Variants in EPS8 observed in about 807,000 individuals in gnomAD.
EPS8 encodes the protein EGFR pathway substrate 8, signaling adaptor.
EPS8 carries 42 observed loss-of-function variants against 103.8 expected under a neutral mutation model. The ratio of observed to expected loss-of-function variants is 0.40; its 90% CI spans 0.32 to 0.52. EPS8 has a LOEUF of 0.52. EPS8 is among the 20% of genes least tolerant of loss of function. The pLI, the probability that EPS8 is intolerant of heterozygous loss-of-function variation, is 0.40. For missense variants in EPS8, 969 were observed against 1,005.1 expected (o/e 0.96, Z 0.49); for synonymous variants, 344 against 344.6 (o/e 1.00, Z 0.02).
At chr12:15,658,720 C>A in intron 10 of EPS8, 135 bp from the exon 11 acceptor site, 1 of 649,616 alleles carries the variant, frequency 1.5e-6, no homozygotes, top group Middle Eastern at 2.6e-4. Flanking sequence ...CGTGCTACAT[C>A]TCATAGTCTG....
rs1947242548 is a variant in EPS8, at chr12:15,779,852, G to A, written c.-22+9309C>T. Among the ~76,000 whole-genome samples, 1 of 151,996 alleles carries A rather than the reference G, an allele frequency of 6.6e-6. No individual in the cohort carries two copies. Among genetic ancestry groups the A allele is most frequent in the South Asian group, 2.1e-4 (1 of 4,824 alleles). On this transcript the variant is annotated intron_variant, in intron 1 of 20. Transcript: ENST00000281172. This position sits in a 1 kb window ranked among gnomAD's most constrained non-coding sequence, Gnocchi z 4.3. ...TTATTTTTTAGTACATTCCTAAATA[G>A]TATGTTTCAGGTTCTGTTCAGAAAC...
In EPS8 at chr12:15,622,110, A is replaced by G. The variant is rs1944870228; in HGVS notation, c.2356-680T>C. ...GGTGACAGCAAATGACAATAATGAT[A>G]GGCAGGTGTGGGATGAAGGAATTCA... is the stretch of plus-strand genomic sequence containing the variant. On this transcript the variant is annotated intron_variant, in intron 20 of 20. Transcript: ENST00000281172. Among the ~76,000 whole-genome samples the G allele has an allele frequency of 2.0e-5, 3 of 152,224 alleles. No homozygotes were observed. The South Asian group carries it at 6.2e-4, about 32-fold the overall frequency.
intron 10 of EPS8, among the ~76,000 whole-genome samples, chr12:15,658,938 C>A (rs181073598): frequency 3.9e-5 from 6 of 152,032 alleles, no homozygotes; most frequent in African/African-American, 1.4e-4. Flanking sequence ...AAGTACCAAT[C>A]GTTATGAGAA....
At chr12:15,645,015 A>C (rs969235118) in intron 15 of EPS8, among the ~76,000 whole-genome samples, 2 of 152,138 alleles carry the variant, frequency 1.3e-5, no homozygotes, top group Non-Finnish European at 2.9e-5. Context: ...AGGTATTCAA[A>C]AAAATTCTTT....
intron 3 of EPS8, among the ~76,000 whole-genome samples, chr12:15,671,497 G>A (rs1945817304): frequency 6.6e-6 from 1 of 152,064 alleles, no homozygotes; most frequent in South Asian, 2.1e-4. Context: ...ACACACAAAT[G>A]TGATACTTAG....
Position 15,693,807 on chromosome 12 carries a change from C to T in EPS8, c.-21-10835G>A, listed in dbSNP as rs1016320203. On this transcript the variant is annotated intron_variant, in intron 1 of 20. Coordinates refer to ENST00000281172, the MANE Select transcript of EPS8 (RefSeq NM_004447.6). The surrounding 1 kb of genome is among the most constrained non-coding windows in gnomAD (Gnocchi z 5.6). ...TAACACAGGAACAGAAAACCAAACA[C>T]TGCATATTCTCACTCATAACTGAGA... Among the ~76,000 whole-genome samples, 1 of 152,198 alleles carries T rather than the reference C, an allele frequency of 6.6e-6. No individual in the cohort carries two copies. The highest frequency in any genetic ancestry group is 1.9e-4 in the East Asian group (1 of 5,196).
In EPS8 at chr12:15,654,277, C is replaced by A; in HGVS notation, c.1118G>T (p.Gly373Val). 1.2e-6 allele frequency: 2 copies of A among 1,613,292 alleles called. No homozygotes were observed. Among genetic ancestry groups the A allele is most frequent in the Non-Finnish European group, 1.7e-6 (2 of 1,179,586 alleles). Residue 373 changes from glycine to valine, a missense_variant, in exon 13 of 21, where the codon GGA becomes GTA. Coordinates refer to ENST00000281172, the MANE Select transcript of EPS8 (RefSeq NM_004447.6). The part of the protein sequence containing the change: ...TPLNMVVQAT[G>V]GPELASSVLS... ...TACTGAACTGGCTAGTTCAGGACCTCCTGTTGCCTGCACCACCTAAGATAA... is the reference window on the plus strand; with the variant it reads ...TACTGAACTGGCTAGTTCAGGACCTACTGTTGCCTGCACCACCTAAGATAA...
Position 15,666,457 on chromosome 12 carries a change from C to T in EPS8, c.582G>A (p.Arg194=). ...GCTTTTACCTCAGGGCGTCGGGCCG[C>T]CTCTTCTGTTTCCCTCCTTTACTGT... ...ISDSKGGKQK[R]RPDALRMISN... The change falls in exon 7 of 21, where the codon AGG becomes AGA. Residue 194 remains arginine (R), a synonymous_variant. Transcript: ENST00000281172. 1 of 1,613,698 alleles carries T rather than the reference C, an allele frequency of 6.2e-7. No individual in the cohort carries two copies. Among genetic ancestry groups the T allele is most frequent in the Non-Finnish European group, 8.5e-7 (1 of 1,179,610 alleles).
intron 9 of EPS8, among the ~76,000 whole-genome samples, chr12:15,661,548 A>G (rs1488356351): frequency 6.6e-6 from 1 of 152,192 alleles, no homozygotes; most frequent in Non-Finnish European, 1.5e-5. Flanking sequence ...CATTCTGTAA[A>G]TCACTATAAA....
At position 15,624,347 on chromosome 12, in the gene EPS8, C is replaced by T. The variant is rs371243557; in HGVS notation, c.2105G>A (p.Arg702Gln). 27 of 1,608,042 alleles carry T rather than the reference C, an allele frequency of 1.7e-5. No individual in the cohort carries two copies. The highest frequency in any genetic ancestry group is 2.7e-5 in the African/African-American group (2 of 74,852). ...ATGGAATTTCTTCTGAGCGGCACTC[C>T]GACCAATGGTCAGTCTGTGGATGAG... Reference protein sequence around the residue: ...DELIHRLTIGRSAAQKKFHVP... With the variant: ...DELIHRLTIGQSAAQKKFHVP... The change falls in exon 19 of 21, where the codon CGG becomes CAG. Residue 702 changes from arginine (R) to glutamine (Q), a missense_variant. Physicochemically the swap from Arg to Gln is conservative, Grantham distance 43. Transcript: ENST00000281172.
chr12:15,641,837 A>G lies in EPS8; in HGVS notation c.1569-7T>C. On this transcript the variant is annotated splice_region_variant and splice_polypyrimidine_tract_variant and intron_variant, in intron 15 of 20. Transcript: ENST00000281172. Reference sequence around the variant, plus strand: ...TTTGAGTGGTTCATAATTTCTATAAAAAGAAAGAAAAAAGATTATTATTCT... The same window carrying G: ...TTTGAGTGGTTCATAATTTCTATAAGAAGAAAGAAAAAAGATTATTATTCT... 6.9e-7 allele frequency: 1 copy of G among 1,443,114 alleles called. No individual in the cohort carries two copies. The highest frequency in any genetic ancestry group is 9.5e-7 in the Non-Finnish European group (1 of 1,047,240). 89.4% of individuals were successfully genotyped at this position (1,443,114 alleles called of 1,614,324 possible). A position where few individuals can be genotyped will look rare whatever the true frequency, so the allele number is the denominator to read the frequency against.
Position 15,670,886 on chromosome 12 carries a change from ACTG to A in EPS8, c.171_173del (p.Ser58del). 1 of 1,612,504 alleles carries A rather than the reference ACTG, an allele frequency of 6.2e-7. No homozygotes were observed. The highest frequency in any genetic ancestry group is 1.1e-5 in the South Asian group (1 of 90,926). On this transcript the variant is annotated inframe_deletion, in exon 4 of 21. Coordinates refer to ENST00000281172, the MANE Select transcript of EPS8 (RefSeq NM_004447.6). The stretch of plus-strand genomic sequence containing the variant: ...CACGGTATTGAGATATATCTGACAC[ACTG>A]CTGACACTGTCCCGTGCATAATTCT...
In EPS8 at chr12:15,749,162, A is replaced by G. The variant is rs777004202; in HGVS notation, c.-22+39999T>C. On this transcript the variant is annotated intron_variant, in intron 1 of 20. Transcript: ENST00000281172. The surrounding 1 kb of genome is among the most constrained non-coding windows in gnomAD (Gnocchi z 4.0). ...ACCTGACTATTTAAGATTATGCCTT[A>G]GGCTCTCACTAAGGGCCAATATAGG... Among the ~76,000 whole-genome samples the G allele has an allele frequency of 1.3e-5, 2 of 152,180 alleles. No individual in the cohort carries two copies. The highest frequency in any genetic ancestry group is 2.4e-5 in the African/African-American group (1 of 41,436).
intron 1 of EPS8, among the ~76,000 whole-genome samples, chr12:15,719,284 AT>A (rs1382228888): frequency 6.6e-6 from 1 of 152,190 alleles, no homozygotes; most frequent in Admixed American, 6.5e-5. Flanking sequence ...GTCAGGAAGC[AT>A]TACAATACAC....
rs200582181 is a variant in EPS8 at position 15,710,699 on chromosome 12, CA to C, written c.-21-27728del. 4.6e-3 allele frequency among the ~76,000 whole-genome samples: 694 copies of C among 152,014 alleles called. 3 individuals carry two copies. The highest frequency in any genetic ancestry group is 0.016 in the African/African-American group (647 of 41,452). ...TTAAGTGCTTACATGTCAAATTAAA[CA>C]AGTCAAAACAAATACACAAACAAAC... On this transcript the variant is annotated intron_variant, in intron 1 of 20. Coordinates refer to ENST00000281172, the MANE Select transcript of EPS8 (RefSeq NM_004447.6).
rs529695875 is a variant in EPS8, at chr12:15,639,923, C to G, written c.1821+780G>C. On this transcript the variant is annotated intron_variant, in intron 17 of 20. Coordinates refer to ENST00000281172, the MANE Select transcript of EPS8 (RefSeq NM_004447.6). ...TTTCTGGGGGAATGAGAAGCCACCC[C>G]AGGTTCACTGGCTGTACCTGAGAGA... is the stretch of plus-strand genomic sequence containing the variant. Among the ~76,000 whole-genome samples the G allele has an allele frequency of 2.6e-5, 4 of 152,302 alleles. No individual in the cohort carries two copies. In the South Asian group the frequency reaches 8.3e-4, roughly 32 times the overall value.
intron 1 of EPS8, among the ~76,000 whole-genome samples, chr12:15,685,280 A>G (rs377432614): frequency 1.3e-5 from 2 of 152,198 alleles, no homozygotes; most frequent in East Asian, 3.9e-4. Flanking sequence ...TCAGTAAAAT[A>G]GAGATAATTC....
At position 15,768,424 on chromosome 12, in the gene EPS8, C is replaced by T. The variant is rs144603389; in HGVS notation, c.-22+20737G>A. On this transcript the variant is annotated intron_variant, in intron 1 of 20. Coordinates refer to ENST00000281172, the MANE Select transcript of EPS8 (RefSeq NM_004447.6). ...CTGCACTCTAGCCTGCAAGAGACTC[C>T]ATCTCAAAAAAAAAAAAAAAAAAAA... Among the ~76,000 whole-genome samples, 182 of 83,672 alleles carry T rather than the reference C, an allele frequency of 2.2e-3. 1 individual carries two copies. The highest frequency in any genetic ancestry group is 7.9e-3 in the Admixed American group (44 of 5,560). 54.9% of individuals were successfully genotyped at this position (83,672 alleles called of 152,430 possible). A position where few individuals can be genotyped will look rare whatever the true frequency, so the allele number is the denominator to read the frequency against.
intron 12 of EPS8, 64 bp downstream of exon 12, chr12:15,658,015 G>T: frequency 2.0e-6 from 2 of 983,954 alleles, no homozygotes; most frequent in Non-Finnish European, 1.6e-6. Context: ...AGATAATCCA[G>T]ACAGACACTT....
Sources: allele counts gnomAD v4.1 joint callset (sites outside exome capture counted in the v4.1 genomes callset), GRCh38; gene constraint gnomAD v4.1.1; non-coding constraint Gnocchi (gnomAD v3.1); transcripts MANE v1.5; gene names NCBI Gene and HGNC (gene_info 2026-07-23, HGNC 2026-07-21).